The following CCDC171 variants were observed in gnomAD, a reference collection of about 807,000 sequenced individuals.
The protein encoded by CCDC171 is coiled-coil domain-containing protein 171.
Under a neutral mutation model 168.2 loss-of-function variants are expected in CCDC171, and 177 were observed. The ratio of observed to expected loss-of-function variants is 1.05; its 90% CI spans 0.93 to 1.19. The LOEUF (loss-of-function observed/expected upper bound fraction) is 1.19. CCDC171 is among the 50% of genes most tolerant of loss of function. The probability of loss-of-function intolerance (pLI) is 0.00; values close to 1 mark genes in which losing one functional copy is unlikely to be tolerated. For synonymous variants in CCDC171, 687 were observed against 540.8 expected (o/e 1.27, Z -3.75); for missense variants, 1,991 against 1,539.0 (o/e 1.29, Z -4.91).
intron 10 of CCDC171, among the ~76,000 whole-genome samples, chr9:15,691,795 A>T (rs2050817939): frequency 6.6e-6 from 1 of 151,776 alleles, no homozygotes; most frequent in Admixed American, 6.6e-5. Flanking sequence ...TCCCACCTCA[A>T]CCTGCTGAGT....
chr9:16,066,846 TA>T, the CCDC171 span, among the ~76,000 whole-genome samples: 1 of 149,680 alleles, frequency 6.7e-6, no homozygotes, highest in East Asian at 2.0e-4. Context: ...CACATTTTCT[TA>T]ATCCAGTCTA....
intron 7 of CCDC171, among the ~76,000 whole-genome samples, chr9:15,629,340 A>G (rs181728579): frequency 5.9e-5 from 9 of 152,338 alleles, no homozygotes; most frequent in African/African-American, 2.2e-4. Context: ...AAAGGAGGTG[A>G]TGGAGCTGAA....
At chr9:15,790,038 T>C (rs2058174235) in intron 21 of CCDC171, among the ~76,000 whole-genome samples, 1 of 152,172 alleles carries the variant, frequency 6.6e-6, no homozygotes. Flanking sequence ...TCTTTGCTAT[T>C]GTGAATAGTG....
chr9:15,572,691 C>T (rs1245906226), intron 3 of CCDC171, among the ~76,000 whole-genome samples: 3 of 152,290 alleles, frequency 2.0e-5, no homozygotes, highest in Admixed American at 6.5e-5. Context: ...CTTTGTTCTT[C>T]CACAACATGT....
At chr9:15,838,770 T>A (rs1383503231) in intron 21 of CCDC171, among the ~76,000 whole-genome samples, 1 of 152,208 alleles carries the variant, frequency 6.6e-6, no homozygotes, top group African/African-American at 2.4e-5. Context: ...TTGATTTAAA[T>A]TAGGCACATA....
chr9:15,892,909 A>C (rs1378412600), intron 24 of CCDC171, among the ~76,000 whole-genome samples: 1 of 152,152 alleles, frequency 6.6e-6, no homozygotes, highest in African/African-American at 2.4e-5. Flanking sequence ...TACCATTGAC[A>C]TTCTTCACAG....
chr9:15,777,905 T>C, intron 19 of CCDC171, 79 bp downstream of exon 19: 2 of 934,016 alleles, frequency 2.1e-6, no homozygotes, highest in Non-Finnish European at 3.1e-6. Flanking sequence ...GTAGTTTAAA[T>C]TATTAGTTGT....
At chr9:15,641,653 C>T (rs1238281194) in intron 7 of CCDC171, among the ~76,000 whole-genome samples, 1 of 151,930 alleles carries the variant, frequency 6.6e-6, no homozygotes, top group African/African-American at 2.4e-5. Context: ...TCTATATTGC[C>T]CTCTTGAAAG....
intron 7 of CCDC171, among the ~76,000 whole-genome samples, chr9:15,631,084 T>G (rs1310409019): frequency 1.3e-5 from 2 of 151,786 alleles, no homozygotes; most frequent in Admixed American, 6.6e-5. Flanking sequence ...GATCCAAAAT[T>G]GACACCCTAA....
chr9:15,859,566 A>G (rs1434415551), intron 23 of CCDC171, among the ~76,000 whole-genome samples: 1 of 151,384 alleles, frequency 6.6e-6, no homozygotes, highest in Admixed American at 6.6e-5. Context: ...TCTCCTTACT[A>G]TTGTTCAAGA....
intron 5 of CCDC171, among the ~76,000 whole-genome samples, 169 bp downstream of exon 5, chr9:15,591,725 A>G (rs548882476): frequency 6.6e-6 from 1 of 151,178 alleles, no homozygotes; most frequent in African/African-American, 2.4e-5. Flanking sequence ...CTTTTGGAGT[A>G]TATTAATAGG....
At chr9:15,649,196 T>A (rs993100427) in intron 7 of CCDC171, among the ~76,000 whole-genome samples, 1 of 152,188 alleles carries the variant, frequency 6.6e-6, no homozygotes, top group African/African-American at 2.4e-5. Context: ...GCTAGCCATA[T>A]GTAGAAAGCT....
chr9:15,893,645 G>A (rs991499729), intron 24 of CCDC171, among the ~76,000 whole-genome samples: 1 of 152,008 alleles, frequency 6.6e-6, no homozygotes, highest in South Asian at 2.1e-4. Context: ...TTCTCAAAAG[G>A]AGACATACAT....
intron 6 of CCDC171, among the ~76,000 whole-genome samples, chr9:16,033,484 T>C (rs1432396334): frequency 6.6e-6 from 1 of 152,200 alleles, no homozygotes; most frequent in Non-Finnish European, 1.5e-5. Context: ...CTTGCGAGAA[T>C]CTAATGCTTG....
chr9:15,638,389 A>G (rs4740620), intron 7 of CCDC171, among the ~76,000 whole-genome samples: 61,898 of 151,634 alleles, frequency 0.41, 14,266 homozygotes, highest in East Asian at 0.76. Flanking sequence ...TTTACACTCA[A>G]TTGCGGAGAC....
chr9:15,759,518 T>A (rs1398578481), intron 18 of CCDC171, among the ~76,000 whole-genome samples: 2 of 152,186 alleles, frequency 1.3e-5, no homozygotes, highest in African/African-American at 4.8e-5. Flanking sequence ...AGGATCTAGT[T>A]TAGAATTATG....
chr9:15,771,339 C>A (rs974948438), intron 18 of CCDC171, among the ~76,000 whole-genome samples: 5 of 152,074 alleles, frequency 3.3e-5, no homozygotes, highest in Admixed American at 3.3e-4. Flanking sequence ...CTCATAACAC[C>A]TTTGGCATGC....
At chr9:16,050,286 C>G (rs948226677) in intron 1 of CCDC171, among the ~76,000 whole-genome samples, 1 of 152,216 alleles carries the variant, frequency 6.6e-6, no homozygotes, top group Non-Finnish European at 1.5e-5. Context: ...TGTTTAAAGG[C>G]TAATTATTAC....
rs1389321202 is a variant in CCDC171 at position 15,819,830 on chromosome 9, C to T, written c.3268-26872C>T. On this transcript the variant is annotated intron_variant, in intron 21 of 25. Transcript: ENST00000380701. ...TCCAGGAATTGAACTCAGCTCTGCA[C>T]GAAGAGGACCTAATAGACATCTACA... 2.5e-4 allele frequency among the ~76,000 whole-genome samples: 29 copies of T among 116,934 alleles called. 8 individuals are homozygous for T. The highest frequency in any genetic ancestry group is 8.7e-4 in the African/African-American group (27 of 30,996). The allele number at this position is 116,934 out of a possible 152,430, so 76.7% of individuals were successfully genotyped here.
Sources: allele counts gnomAD v4.1 joint callset (sites outside exome capture counted in the v4.1 genomes callset), GRCh38; gene constraint gnomAD v4.1.1; transcripts MANE v1.5; gene names NCBI Gene and HGNC (gene_info 2026-07-23, HGNC 2026-07-21).